Variants in WWOX observed in about 807,000 individuals in gnomAD.
The protein encoded by WWOX is WW domain containing oxidoreductase, also known as WW domain-containing oxidoreductase.
WWOX carries 69 observed loss-of-function variants against 46.2 expected under a neutral mutation model. The ratio of observed to expected loss-of-function variants is 1.49; its 90% CI spans 1.23 to 1.82. The LOEUF (loss-of-function observed/expected upper bound fraction) is 1.82. WWOX is among the 40% of genes most tolerant of loss of function. WWOX has a pLI of 0.00. For synonymous variants in WWOX, 359 were observed against 202.6 expected (o/e 1.77, Z -6.56); for missense variants, 919 against 542.6 (o/e 1.69, Z -6.89).
chr16:78,413,910 C>G (rs973916873), intron 6 of WWOX, among the ~76,000 whole-genome samples: 3 of 151,632 alleles, frequency 2.0e-5, no homozygotes, highest in Admixed American at 2.0e-4. Flanking sequence ...CCTCTGAGCC[C>G]AAGCTGAGCC....
At chr16:78,972,480 A>AAT (rs1555505503) in intron 8 of WWOX, among the ~76,000 whole-genome samples, 1 of 151,994 alleles carries the variant, frequency 6.6e-6, no homozygotes, top group African/African-American at 2.4e-5. Context: ...GAAAAAAAAA[A>AAT]AAAATAAAAG....
In WWOX at chr16:79,012,648, C is replaced by A. The variant is rs140216307; in HGVS notation, c.1057-198960C>A. Among the ~76,000 whole-genome samples, 326 of 152,292 alleles carry A rather than the reference C, an allele frequency of 2.1e-3. 1 individual carries two copies. The highest frequency in any genetic ancestry group is 7.5e-3 in the African/African-American group (313 of 41,554). On this transcript the variant is annotated intron_variant, in intron 8 of 8. Coordinates refer to ENST00000566780, the MANE Select transcript of WWOX (RefSeq NM_016373.4). ...AGGCAGAGAGATGGCTGTGATTAAC[C>A]AATGAATGAGGGAACAAATATCCAG... is the stretch of plus-strand genomic sequence containing the variant.
intron 5 of WWOX, among the ~76,000 whole-genome samples, chr16:78,314,716 TTTTTTC>T (rs1430912728): frequency 4.6e-4 from 64 of 139,324 alleles, no homozygotes; most frequent in African/African-American, 1.6e-3. Context: ...TTTTTTTTTT[TTTTTTC>T]TGTATTTTCA....
At chr16:78,936,321 C>G (rs965710713) in intron 8 of WWOX, among the ~76,000 whole-genome samples, 1 of 152,118 alleles carries the variant, frequency 6.6e-6, no homozygotes, top group Non-Finnish European at 1.5e-5. Context: ...CCATCCCAAG[C>G]GAGTTTTCCC....
At chr16:78,508,381 G>A (rs1036820235) in intron 8 of WWOX, among the ~76,000 whole-genome samples, 3 of 135,480 alleles carry the variant, frequency 2.2e-5, no homozygotes, top group Middle Eastern at 4.1e-3. Context: ...TAGTTTATGC[G>A]TGGCCGAAGA....
chr16:78,632,849 C>T (rs530754092), intron 8 of WWOX, among the ~76,000 whole-genome samples: 71 of 152,122 alleles, frequency 4.7e-4, no homozygotes, highest in Middle Eastern at 3.4e-3. Flanking sequence ...TGAGCCACTG[C>T]GCCCGGCCTA....
intron 8 of WWOX, among the ~76,000 whole-genome samples, chr16:78,783,257 A>G (rs894722252): frequency 1.3e-5 from 2 of 152,208 alleles, no homozygotes; most frequent in South Asian, 2.1e-4. Context: ...TTAGATTTCA[A>G]CAGGCTCCTG....
In WWOX at chr16:78,329,969, A is replaced by T. The variant is rs142635432; in HGVS notation, c.517-56891A>T. On this transcript the variant is annotated intron_variant, in intron 5 of 8. Transcript: ENST00000566780. ...CTATGTTGCCCACAGTAACATAGTA[A>T]GTCTCAAATTCCTGGCCTCAAGCGA... Among the ~76,000 whole-genome samples the T allele has an allele frequency of 2.5e-3, 383 of 152,160 alleles. 2 individuals are homozygous for T. Among genetic ancestry groups the T allele is most frequent in the Middle Eastern group, 0.01 (3 of 294 alleles).
At chr16:78,586,532 C>G (rs140406667) in intron 8 of WWOX, among the ~76,000 whole-genome samples, 1 of 152,158 alleles carries the variant, frequency 6.6e-6, no homozygotes, top group South Asian at 2.1e-4. Flanking sequence ...TTGAATTCTC[C>G]AACAACCTTG....
intron 8 of WWOX, among the ~76,000 whole-genome samples, chr16:78,990,346 C>T (rs1035281007): frequency 6.6e-6 from 1 of 152,096 alleles, no homozygotes; most frequent in African/African-American, 2.4e-5. Context: ...CTCCTTGTGC[C>T]TTGAGAAGGG....
intron 8 of WWOX, among the ~76,000 whole-genome samples, chr16:78,821,974 T>C (rs2051509785): frequency 6.6e-6 from 1 of 152,166 alleles, no homozygotes; most frequent in Non-Finnish European, 1.5e-5. Context: ...CCTACCAGGC[T>C]CAAGCGATCC....
rs548366256 is a variant in WWOX at position 78,542,018 on chromosome 16, C to CAAAAAAAAA, written c.1056+109286_1056+109294dup. Among the ~76,000 whole-genome samples, 41 of 40,640 alleles carry CAAAAAAAAA rather than the reference C, an allele frequency of 1.0e-3. 4 individuals carry two copies. The highest frequency in any genetic ancestry group is 2.0e-3 in the East Asian group (2 of 982). 26.7% of individuals were successfully genotyped at this position (40,640 alleles called of 152,430 possible). On this transcript the variant is annotated intron_variant, in intron 8 of 8. Coordinates refer to ENST00000566780, the MANE Select transcript of WWOX (RefSeq NM_016373.4). ...GAGGGTTTCTTTCAACAGAGTATACCAAAAAAAAAAAAAAAAAAAAAAAAA... is the reference window on the plus strand; with the variant it reads ...GAGGGTTTCTTTCAACAGAGTATACCAAAAAAAAAAAAAAAAAAAAAAAAAAAAAAAAAA...
At chr16:78,817,870 T>A (rs1275788648) in intron 8 of WWOX, among the ~76,000 whole-genome samples, 1 of 152,112 alleles carries the variant, frequency 6.6e-6, no homozygotes, top group Non-Finnish European at 1.5e-5. Flanking sequence ...TTGTCATAGG[T>A]CATTTTCTTT....
chr16:78,593,416 C>A (rs554325348), intron 8 of WWOX, among the ~76,000 whole-genome samples: 1 of 152,112 alleles, frequency 6.6e-6, no homozygotes, highest in South Asian at 2.1e-4. Flanking sequence ...TTGTACTATC[C>A]CATTTTCCTT....
intron 8 of WWOX, among the ~76,000 whole-genome samples, chr16:78,809,204 T>G (rs758359716): frequency 2.2e-4 from 33 of 151,856 alleles, no homozygotes; most frequent in Non-Finnish European, 3.7e-4. Flanking sequence ...TGGTTTCCTT[T>G]AGAGCATGTG....
chr16:78,914,323 C>T (rs185838303), intron 8 of WWOX, among the ~76,000 whole-genome samples: 102 of 152,154 alleles, frequency 6.7e-4, no homozygotes, highest in African/African-American at 2.3e-3. Flanking sequence ...CTGTCCTGTC[C>T]ACTCATGTCT....
intron 8 of WWOX, chr16:78,691,189 T>C (rs1414921845): frequency 4.3e-6 from 3 of 701,154 alleles, no homozygotes; most frequent in African/African-American, 3.5e-5. Flanking sequence ...AGAGAATAGA[T>C]GTAGGTCCAG....
intron 8 of WWOX, among the ~76,000 whole-genome samples, chr16:78,476,881 A>T (rs905721537): frequency 6.6e-6 from 1 of 151,564 alleles, no homozygotes; most frequent in Non-Finnish European, 1.5e-5. Flanking sequence ...CTGATTTCCC[A>T]TCTTCTTCCT....
intron 8 of WWOX, among the ~76,000 whole-genome samples, chr16:78,657,825 G>C (rs1293008800): frequency 6.6e-6 from 1 of 152,084 alleles, no homozygotes; most frequent in African/African-American, 2.4e-5. Context: ...TTTTTTGTGT[G>C]TGTGTTATTT....
Sources: gnomAD v4.1 joint callset for allele counts (sites outside exome capture counted in the v4.1 genomes callset) on GRCh38, gnomAD v4.1.1 for gene constraint, MANE v1.5 for transcripts, NCBI Gene and HGNC (gene_info 2026-07-23, HGNC 2026-07-21) for gene names.